Variants in LRP11 observed in about 807,000 individuals in gnomAD.
LRP11 encodes the protein LDL receptor related protein 11.
In LRP11, 25 loss-of-function variants were observed where a neutral mutation model predicts 43.1. That is an observed-to-expected ratio of 0.58 (90% confidence interval 0.42 to 0.81). LRP11 has a LOEUF of 0.81. LRP11 is among the 30% of genes least tolerant of loss of function. The pLI, the probability that LRP11 is intolerant of heterozygous loss-of-function variation, is 0.00. For synonymous variants in LRP11, 316 were observed against 299.4 expected (o/e 1.06, Z -0.57); for missense variants, 623 against 665.1 (o/e 0.94, Z 0.70).
intron 2 of LRP11, among the ~76,000 whole-genome samples, chr6:149,847,598 C>T (rs1776656730): frequency 1.3e-5 from 2 of 152,150 alleles, no homozygotes; most frequent in African/African-American, 2.4e-5. Flanking sequence ...TATATATGTA[C>T]ACACAACATA....
At position 149,836,216 on chromosome 6, in the gene LRP11, C is replaced by A. The variant is rs761815671; in HGVS notation, c.1121G>T (p.Gly374Val). ...PRTTGPSEDA[G>V]GDSLVEKSQK... The stretch of plus-strand genomic sequence containing the variant: ...AGACTTTTCCACCAAGGAGTCACCC[C>A]CTGCATCTTCACTCGGCCCTGTGGT... The change falls in exon 5 of 7, where the codon GGG becomes GTG. Residue 374 changes from glycine to valine, a missense_variant. Transcript: ENST00000239367. 4 of 1,614,148 alleles carry A rather than the reference C, an allele frequency of 2.5e-6. No homozygotes were observed. Among genetic ancestry groups the A allele is most frequent in the Non-Finnish European group, 3.4e-6 (4 of 1,180,020 alleles).
rs1208695231 is a variant in LRP11 at position 149,863,663 on chromosome 6, C to G, written c.358G>C (p.Ala120Pro). The G allele has an allele frequency of 6.8e-7, 1 of 1,473,580 alleles. No individual in the cohort carries two copies. The highest frequency in any genetic ancestry group is 8.9e-7 in the Non-Finnish European group (1 of 1,119,120). 91.3% of individuals were successfully genotyped at this position (1,473,580 alleles called of 1,614,324 possible). Reference sequence around the variant, plus strand: ...CGCCAGCCCCGCACGGCCGCCGGCGCCCGCAGGAAGCTGGCACCCGCCGCC... The same window carrying G: ...CGCCAGCCCCGCACGGCCGCCGGCGGCCGCAGGAAGCTGGCACCCGCCGCC... ...SLAAGASFLR[A>P]PAAVRGWRQC... Residue 120 changes from alanine (A) to proline (P), a missense_variant, in exon 1 of 7, where the codon GCG becomes CCG. Physicochemically the swap from Ala to Pro is conservative, Grantham distance 27 (BLOSUM62 -1). Coordinates refer to ENST00000239367, the MANE Select transcript of LRP11 (RefSeq NM_032832.6).
chr6:149,831,689 G>A (rs1776410154), intron 5 of LRP11, among the ~76,000 whole-genome samples: 1 of 152,204 alleles, frequency 6.6e-6, no homozygotes, highest in African/African-American at 2.4e-5. Flanking sequence ...TTGTTTTAGA[G>A]ATGAGGTCTT....
chr6:149,856,255 A>C (rs1357019833), intron 1 of LRP11, among the ~76,000 whole-genome samples: 1 of 152,236 alleles, frequency 6.6e-6, no homozygotes, highest in East Asian at 1.9e-4. Flanking sequence ...CACATTATAC[A>C]ATTAATTAAT....
intron 6 of LRP11, 174 bp downstream of exon 6, chr6:149,826,090 A>G (rs1776335239): frequency 6.5e-6 from 4 of 618,424 alleles, no homozygotes; most frequent in Non-Finnish European, 1.2e-5. Flanking sequence ...GAAGGTTACT[A>G]TCAGGAGCCC....
intron 2 of LRP11, among the ~76,000 whole-genome samples, chr6:149,847,292 C>T (rs964628445): frequency 2.6e-5 from 4 of 152,248 alleles, no homozygotes; most frequent in African/African-American, 9.6e-5. Flanking sequence ...CAGGCACTGC[C>T]TCTCTGATAC....
chr6:149,832,215 T>G (rs1819531), intron 5 of LRP11, among the ~76,000 whole-genome samples: 141,926 of 144,198 alleles, frequency 0.98, 69,854 homozygotes, highest in East Asian at 1. Flanking sequence ...TTTTTGAGAC[T>G]GAGTCTCACT....
chr6:149,845,771 GTCGGATAAGACCAGGTCT>G (rs1776623165), intron 2 of LRP11, among the ~76,000 whole-genome samples: 1 of 62,160 alleles, frequency 1.6e-5, no homozygotes, highest in African/African-American at 4.7e-5. Flanking sequence ...GGTCTTATCT[GTCGGATAAGACCAGGTCT>G]TATCTGGTCA....
At position 149,853,098 on chromosome 6, in the gene LRP11, C is replaced by T. The variant is rs367786828; in HGVS notation, c.676G>A (p.Gly226Arg). 2.5e-5 allele frequency: 40 copies of T among 1,612,362 alleles called. No individual in the cohort carries two copies. Among genetic ancestry groups the T allele is most frequent in the African/African-American group, 1.7e-4 (13 of 74,936 alleles). ...QDVVLHLPTD[G>R]VVLDGRESTD... Reference sequence around the variant, plus strand: ...CTCTCGCGGCCGTCTAGAACCACCCCGTCTGTGGGCAGATGCAGAACCACA... The same window carrying T: ...CTCTCGCGGCCGTCTAGAACCACCCTGTCTGTGGGCAGATGCAGAACCACA... Residue 226 changes from glycine to arginine, a missense_variant, in exon 2 of 7, where the codon GGG (glycine) becomes AGG (arginine). Transcript: ENST00000239367.
intron 2 of LRP11, among the ~76,000 whole-genome samples, chr6:149,845,300 C>T (rs1344944412): frequency 1.3e-5 from 2 of 152,312 alleles, no homozygotes; most frequent in East Asian, 1.9e-4. Flanking sequence ...GAACATTACA[C>T]AATGACTCTT....
chr6:149,848,208 C>A (rs951638418), intron 2 of LRP11, among the ~76,000 whole-genome samples: 1 of 152,104 alleles, frequency 6.6e-6, no homozygotes, highest in South Asian at 2.1e-4. Context: ...ACAAAAAAAA[C>A]CCCACCAGAT....
At position 149,837,432 on chromosome 6, in the gene LRP11, G is replaced by C. The variant is rs1776488381; in HGVS notation, c.945C>G (p.Phe315Leu). Reference protein sequence around the residue: ...GCLHTCSRYHFFCDDGCCIDI... With the variant: ...GCLHTCSRYHLFCDDGCCIDI... The stretch of plus-strand genomic sequence containing the variant: ...CAATGCAGCAGCCATCGTCACAGAA[G>C]AAGTGGTAGCGTGAGCAAGTGTGCA... The change falls in exon 4 of 7, where the codon TTC (phenylalanine) becomes TTG (leucine). Residue 315 changes from phenylalanine (F) to leucine (L), a missense_variant. Physicochemically the swap from Phe to Leu is conservative, Grantham distance 22. Coordinates refer to ENST00000239367, the MANE Select transcript of LRP11 (RefSeq NM_032832.6). 1 of 1,614,168 alleles carries C rather than the reference G, an allele frequency of 6.2e-7. No individual in the cohort carries two copies. Among genetic ancestry groups the C allele is most frequent in the Non-Finnish European group, 8.5e-7 (1 of 1,180,038 alleles).
At position 149,853,026 on chromosome 6, in the gene LRP11, C is replaced by A; in HGVS notation, c.748G>T (p.Gly250Trp). The change falls in exon 2 of 7, where the codon GGG becomes TGG. Residue 250 changes from glycine (G) to tryptophan (W), a missense_variant. Gly to Trp is a radical substitution (Grantham distance 184). Transcript: ENST00000239367. ...ACCTTCATGTCCACTGACGGGTCCCCCTGCAGCAGTGCCCACTCATACTGG... is the reference window on the plus strand; with the variant it reads ...ACCTTCATGTCCACTGACGGGTCCCACTGCAGCAGTGCCCACTCATACTGG... The part of the protein sequence containing the change: ...IVQYEWALLQ[G>W]DPSVDMKVPQ... 6.2e-7 allele frequency: 1 copy of A among 1,604,798 alleles called. No homozygotes were observed.
At chr6:149,862,952 C>G (rs1009337919) in intron 1 of LRP11, among the ~76,000 whole-genome samples, 3 of 152,018 alleles carry the variant, frequency 2.0e-5, no homozygotes, top group Non-Finnish European at 1.5e-5. Context: ...AGAAGTTTTC[C>G]TCCCATTTTT....
At position 149,820,569 on chromosome 6, in the gene LRP11, T is replaced by G. The variant is rs758178319; in HGVS notation, c.1483A>C (p.Ile495Leu). 2.6e-6 allele frequency: 2 copies of G among 781,030 alleles called. No homozygotes were observed. Among genetic ancestry groups the G allele is most frequent in the Non-Finnish European group, 2.4e-6 (1 of 418,120 alleles). The allele number at this position is 781,030 out of a possible 1,614,324, so 48.4% of individuals were successfully genotyped here. ...PITSEESDYLINGMYL is the reference protein window; with the variant it reads ...PITSEESDYLLNGMYL Reference sequence around the variant, plus strand: ...CATTACTATAGATACATCCCATTTATGAGGTAGTCCGATTCCTCAGATGTA... The same window carrying G: ...CATTACTATAGATACATCCCATTTAGGAGGTAGTCCGATTCCTCAGATGTA... The change falls in exon 7 of 7, where the codon ATA becomes CTA. Residue 495 changes from isoleucine to leucine, a missense_variant. Ile to Leu is a conservative substitution (Grantham distance 5). Coordinates refer to ENST00000239367, the MANE Select transcript of LRP11 (RefSeq NM_032832.6).
At chr6:149,857,943 C>T (rs1562447431) in intron 1 of LRP11, among the ~76,000 whole-genome samples, 1 of 152,156 alleles carries the variant, frequency 6.6e-6, no homozygotes. Context: ...CAACGAATCT[C>T]TGAGGTAGGT....
intron 2 of LRP11, among the ~76,000 whole-genome samples, chr6:149,852,749 T>C (rs374303411): frequency 1.4e-4 from 22 of 152,366 alleles, no homozygotes; most frequent in African/African-American, 5.1e-4. Flanking sequence ...GAAGTGTCTT[T>C]GTCCTCTAGA....
At chr6:149,839,217 C>T (rs921916588) in intron 3 of LRP11, among the ~76,000 whole-genome samples, 6 of 151,836 alleles carry the variant, frequency 4.0e-5, no homozygotes, top group African/African-American at 1.5e-4. Context: ...TTTATTGAAA[C>T]GTGGTTAAAT....
rs1199069624 is a variant in LRP11, at chr6:149,852,995, T to C, written c.771+8A>G. 6.3e-7 allele frequency: 1 copy of C among 1,581,626 alleles called. No individual in the cohort carries two copies. On this transcript the variant is annotated splice_region_variant and intron_variant, in intron 2 of 6. Coordinates refer to ENST00000239367, the MANE Select transcript of LRP11 (RefSeq NM_032832.6). ...CTCGTTTTTGTTAGCAGTGACAACA[T>C]GCGTTACCTTCATGTCCACTGACGG...
Sources: allele counts gnomAD v4.1 joint callset (sites outside exome capture counted in the v4.1 genomes callset), GRCh38; gene constraint gnomAD v4.1.1; transcripts MANE v1.5; gene names NCBI Gene and HGNC (gene_info 2026-07-23, HGNC 2026-07-21).